The following RBFOX2 variants were observed in gnomAD, a reference collection of about 807,000 sequenced individuals.
RBFOX2 encodes RNA binding fox-1 homolog 2.
In RBFOX2, 10 loss-of-function variants were observed where a neutral mutation model predicts 49.1. The observed-to-expected ratio is 0.20, with a 90% confidence interval of 0.13 to 0.35. RBFOX2 has a LOEUF of 0.35. Ranked by LOEUF, RBFOX2 falls within the 10% of genes least tolerant of loss-of-function variation. The pLI is 1.00. For missense variants in RBFOX2, 323 were observed against 486.9 expected, an observed-to-expected ratio of 0.66 and a Z score of 3.17; for synonymous variants, 183 against 187.4, an observed-to-expected ratio of 0.98 and a Z score of 0.19.
chr22:36,016,189 G>A (rs2059027350), intron 1 of RBFOX2, among the ~76,000 whole-genome samples: 2 of 152,046 alleles, frequency 1.3e-5, no homozygotes, highest in South Asian at 4.1e-4. Flanking sequence ...CAATTTGTAT[G>A]GGAAAAAGCT....
exon 1 of RBFOX2, chr22:35,961,588 A>C: frequency 7.7e-7 from 1 of 1,304,054 alleles, no homozygotes; most frequent in South Asian, 1.2e-5. Context: ...GGGCTGGTCC[A>C]TGGAATCTGA....
upstream of RBFOX2, among the ~76,000 whole-genome samples, chr22:35,940,738 T>C (rs1429642279): frequency 6.6e-6 from 1 of 152,182 alleles, no homozygotes; most frequent in Non-Finnish European, 1.5e-5. Flanking sequence ...ACATCCATAG[T>C]GGAATATTAT....
At chr22:35,803,852 C>T (rs1330670377) in intron 2 of RBFOX2, among the ~76,000 whole-genome samples, 1 of 151,832 alleles carries the variant, frequency 6.6e-6, no homozygotes, top group East Asian at 1.9e-4. Context: ...AAAGAGACCA[C>T]CAGAAATTAT....
chr22:35,767,579 G>T (rs1308407695), intron 5 of RBFOX2, among the ~76,000 whole-genome samples: 1 of 152,104 alleles, frequency 6.6e-6, no homozygotes, highest in African/African-American at 2.4e-5. Flanking sequence ...TATCAAAAAG[G>T]GCTGGTGAAT....
At chr22:36,011,992 C>T (rs528267656) in intron 1 of RBFOX2, among the ~76,000 whole-genome samples, 31 of 152,250 alleles carry the variant, frequency 2.0e-4, no homozygotes, top group African/African-American at 7.5e-4. Context: ...TAGATGCCTT[C>T]AGCTCTGATG....
intron 1 of RBFOX2, among the ~76,000 whole-genome samples, chr22:35,925,013 T>A (rs1480210173): frequency 2.0e-5 from 3 of 151,724 alleles, no homozygotes; most frequent in Non-Finnish European, 4.4e-5. Context: ...ACCCCATCTC[T>A]ACTAAAATAA....
intron 1 of RBFOX2, among the ~76,000 whole-genome samples, chr22:35,838,458 T>C (rs1485621540): frequency 6.6e-6 from 1 of 152,126 alleles, no homozygotes; most frequent in African/African-American, 2.4e-5. Context: ...GATGAAGTTC[T>C]AGATCCATTG....
intron 2 of RBFOX2, among the ~76,000 whole-genome samples, chr22:35,791,002 T>G (rs919253819): frequency 6.7e-6 from 1 of 150,362 alleles, no homozygotes; most frequent in Non-Finnish European, 1.5e-5. Flanking sequence ...GGCAAGACCC[T>G]GTCTCAAAAC....
intron 5 of RBFOX2, among the ~76,000 whole-genome samples, chr22:35,766,756 T>C (rs1941086134): frequency 6.6e-6 from 1 of 152,104 alleles, no homozygotes. Flanking sequence ...AGGATTAGAA[T>C]GGAGCAAGAG....
chr22:36,011,329 G>A (rs1037305665), intron 1 of RBFOX2, among the ~76,000 whole-genome samples: 6 of 152,092 alleles, frequency 3.9e-5, no homozygotes, highest in Non-Finnish European at 5.9e-5. Flanking sequence ...AACAAGAGAT[G>A]TAGATTAGGT....
rs189826862 is a variant in RBFOX2 at position 36,018,763 on chromosome 22, G to A, written c.186+9477C>T. ...CAAGTAGCTGGGATTACAGGCATGC[G>A]CCACCACGCCCAGCTAATTTTTGTA... On this transcript the variant is annotated intron_variant, in intron 1 of 13. Coordinates refer to the RBFOX2 transcript ENST00000438146. 3.5e-3 allele frequency among the ~76,000 whole-genome samples: 530 copies of A among 152,208 alleles called. 1 individual carries two copies. The highest frequency in any genetic ancestry group is 0.012 in the African/African-American group (483 of 41,528).
intron 1 of RBFOX2, among the ~76,000 whole-genome samples, chr22:35,908,571 G>A (rs1417560161): frequency 6.6e-6 from 1 of 152,164 alleles, no homozygotes; most frequent in East Asian, 1.9e-4. Context: ...TACTGAATGT[G>A]TATTGCTTTT....
rs925938692 is a variant in RBFOX2 at position 35,979,133 on chromosome 22, G to A, written c.187-40236C>T. Among the ~76,000 whole-genome samples the A allele has an allele frequency of 4.6e-5, 7 of 152,176 alleles. No homozygotes were observed. In the South Asian group the frequency reaches 1.5e-3, roughly 32 times the overall value. On this transcript the variant is annotated intron_variant, in intron 1 of 13. Coordinates refer to the RBFOX2 transcript ENST00000438146. Reference sequence around the variant, plus strand: ...GAGAAGAGCATAGCATCATTGCAGTGGTATTCCTGCCGAAAATGATATTAC... The same window carrying A: ...GAGAAGAGCATAGCATCATTGCAGTAGTATTCCTGCCGAAAATGATATTAC...
intron 1 of RBFOX2, among the ~76,000 whole-genome samples, chr22:36,021,026 G>A (rs1468412096): frequency 6.6e-6 from 1 of 152,068 alleles, no homozygotes; most frequent in Non-Finnish European, 1.5e-5. Flanking sequence ...ATTGGATTAA[G>A]AAAATGTGGC....
intron 1 of RBFOX2, among the ~76,000 whole-genome samples, chr22:35,974,742 C>T (rs940318610): frequency 2.0e-5 from 3 of 152,042 alleles, no homozygotes; most frequent in African/African-American, 7.2e-5. Flanking sequence ...AGAAAGACGC[C>T]ACAATCCTAA....
At chr22:35,846,493 A>G (rs1474938952) in intron 1 of RBFOX2, among the ~76,000 whole-genome samples, 2 of 151,958 alleles carry the variant, frequency 1.3e-5, no homozygotes, top group Non-Finnish European at 2.9e-5. Flanking sequence ...ATAGTGGCTC[A>G]CGCCTGTAAT....
chr22:35,873,425 T>C (rs1027315982), intron 1 of RBFOX2, among the ~76,000 whole-genome samples: 1 of 152,022 alleles, frequency 6.6e-6, no homozygotes, highest in Non-Finnish European at 1.5e-5. Context: ...CGACCCTGAA[T>C]GGGTTGTTTC....
intron 1 of RBFOX2, among the ~76,000 whole-genome samples, chr22:35,909,356 T>C (rs1293316161): frequency 6.6e-6 from 1 of 152,008 alleles, no homozygotes; most frequent in African/African-American, 2.4e-5. Context: ...CTTTAAAGTA[T>C]GGGTGGAAAG....
chr22:35,920,944 A>G (rs889394163), intron 1 of RBFOX2, among the ~76,000 whole-genome samples: 1 of 152,202 alleles, frequency 6.6e-6, no homozygotes, highest in African/African-American at 2.4e-5. Context: ...ATTAAGGCAG[A>G]TTTTATTCTA....
Sources: allele counts gnomAD v4.1 joint callset (sites outside exome capture counted in the v4.1 genomes callset), GRCh38; gene constraint gnomAD v4.1.1; transcripts MANE v1.5; gene names NCBI Gene and HGNC (gene_info 2026-07-23, HGNC 2026-07-21).